The following SCRG1 variants were observed in gnomAD, a reference collection of about 807,000 sequenced individuals.
SCRG1 encodes the protein stimulator of chondrogenesis 1, also known as scrapie-responsive protein 1.
Under a neutral mutation model 7.7 loss-of-function variants are expected in SCRG1, and 3 were observed. The ratio of observed to expected loss-of-function variants is 0.39; its 90% CI spans 0.18 to 1.01. The LOEUF is 1.01. SCRG1 is among the 50% of genes least tolerant of loss of function. The pLI is 0.36. For missense variants in SCRG1, 110 were observed against 117.2 expected (o/e 0.94, Z 0.28); for synonymous variants, 46 against 41.2 (o/e 1.12, Z -0.44).
chr4:173,450,495 T>C, the SCRG1 span, among the ~76,000 whole-genome samples: 1 of 152,102 alleles, frequency 6.6e-6, no homozygotes, highest in Non-Finnish European at 1.5e-5. Context: ...TGGGCAGTGA[T>C]TAGTTGAGAG....
intron 2 of SCRG1, among the ~76,000 whole-genome samples, chr4:173,388,903 A>T (rs1429689421): frequency 6.6e-6 from 1 of 152,240 alleles, no homozygotes; most frequent in Non-Finnish European, 1.5e-5. Flanking sequence ...AGGTGATATT[A>T]TAATTATGGC....
the SCRG1 span, among the ~76,000 whole-genome samples, chr4:173,495,672 T>C: frequency 6.6e-6 from 1 of 152,240 alleles, no homozygotes; most frequent in Non-Finnish European, 1.5e-5. Flanking sequence ...AACTGAAGCA[T>C]GGAACAATAA....
the SCRG1 span, among the ~76,000 whole-genome samples, chr4:173,512,386 A>G: frequency 6.6e-6 from 1 of 152,242 alleles, no homozygotes; most frequent in Non-Finnish European, 1.5e-5. Flanking sequence ...ATCTTGTATT[A>G]TTATGAGACA....
chr4:173,490,165 C>T, the SCRG1 span, among the ~76,000 whole-genome samples: 1 of 152,162 alleles, frequency 6.6e-6, no homozygotes, highest in African/African-American at 2.4e-5. Flanking sequence ...AATAATGATG[C>T]TCATTTGCAA....
At chr4:173,485,658 C>A in the SCRG1 span, among the ~76,000 whole-genome samples, 2 of 152,028 alleles carry the variant, frequency 1.3e-5, no homozygotes, top group Non-Finnish European at 2.9e-5. Context: ...TGAACTACTA[C>A]TGAAGTTGAA....
chr4:173,452,345 C>T, the SCRG1 span, among the ~76,000 whole-genome samples: 1 of 151,940 alleles, frequency 6.6e-6, no homozygotes. Context: ...GTTGAGTGGG[C>T]TGAGGAAGAG....
the SCRG1 span, among the ~76,000 whole-genome samples, chr4:173,415,620 A>G: frequency 6.6e-6 from 1 of 152,154 alleles, no homozygotes; most frequent in African/African-American, 2.4e-5. Context: ...TCTCCAAACG[A>G]CCTTTATTTC....
intron 1 of SCRG1, among the ~76,000 whole-genome samples, chr4:173,398,025 T>A (rs1194250809): frequency 6.6e-6 from 1 of 152,212 alleles, no homozygotes; most frequent in Non-Finnish European, 1.5e-5. Context: ...TCCACTCATC[T>A]CTCTTGGAGG....
the SCRG1 span, among the ~76,000 whole-genome samples, chr4:173,491,511 C>T: frequency 6.6e-6 from 1 of 152,176 alleles, no homozygotes; most frequent in Non-Finnish European, 1.5e-5. Context: ...AAACAATTCC[C>T]TCTGGACAAA....
chr4:173,416,021 G>T, the SCRG1 span, among the ~76,000 whole-genome samples: 2 of 152,362 alleles, frequency 1.3e-5, no homozygotes, highest in East Asian at 3.9e-4. Flanking sequence ...CAGCATGTGC[G>T]CCTCGGGGTG....
At chr4:173,418,700 G>A in the SCRG1 span, among the ~76,000 whole-genome samples, 1 of 152,196 alleles carries the variant, frequency 6.6e-6, no homozygotes, top group South Asian at 2.1e-4. Flanking sequence ...AATTCTCAGT[G>A]TTGCAGGAGG....
chr4:173,480,311 T>A, the SCRG1 span, among the ~76,000 whole-genome samples: 1 of 152,136 alleles, frequency 6.6e-6, no homozygotes, highest in Non-Finnish European at 1.5e-5. Context: ...TAAGACAGGC[T>A]TAGTACAGTA....
chr4:173,483,242 G>GATATATGATATATT, the SCRG1 span, among the ~76,000 whole-genome samples: 17 of 55,944 alleles, frequency 3.0e-4, no homozygotes. Flanking sequence ...TATAATATAT[G>GATATATGATATATT]ATATATCATA....
At chr4:173,440,131 TC>T in the SCRG1 span, among the ~76,000 whole-genome samples, 24 of 152,338 alleles carry the variant, frequency 1.6e-4, no homozygotes, top group Admixed American at 1.6e-3. Flanking sequence ...GCTACAGGTT[TC>T]TTTTTGTTTG....
the SCRG1 span, among the ~76,000 whole-genome samples, chr4:173,428,241 T>C: frequency 6.6e-6 from 1 of 152,344 alleles, no homozygotes; most frequent in African/African-American, 2.4e-5. Context: ...CTTAACAATA[T>C]AATTCATGTC....
At chr4:173,413,200 T>TG in the SCRG1 span, among the ~76,000 whole-genome samples, 1 of 152,148 alleles carries the variant, frequency 6.6e-6, no homozygotes, top group East Asian at 1.9e-4. Context: ...AGCCTACAGC[T>TG]GGCAAAATGC....
the SCRG1 span, among the ~76,000 whole-genome samples, chr4:173,477,236 A>G: frequency 6.6e-6 from 1 of 152,152 alleles, no homozygotes; most frequent in Non-Finnish European, 1.5e-5. Context: ...TTCCAGAATG[A>G]AAAGACCCTG....
the SCRG1 span, among the ~76,000 whole-genome samples, chr4:173,483,799 G>A: frequency 6.5e-4 from 8 of 12,368 alleles, no homozygotes; most frequent in African/African-American, 1.8e-3. Flanking sequence ...TCATATATAT[G>A]ATATATGATA....
chr4:173,406,834 C>G (rs1396390303), upstream of SCRG1, among the ~76,000 whole-genome samples: 2 of 152,058 alleles, frequency 1.3e-5, no homozygotes, highest in East Asian at 3.9e-4. Flanking sequence ...GAATAATATT[C>G]CATTGTATAG....
Sources: gnomAD v4.1 joint callset for allele counts (sites outside exome capture counted in the v4.1 genomes callset) on GRCh38, gnomAD v4.1.1 for gene constraint, MANE v1.5 for transcripts, NCBI Gene and HGNC (gene_info 2026-07-23, HGNC 2026-07-21) for gene names.